PELP1: variants seen among roughly 807,000 people sequenced by gnomAD.
The protein encoded by PELP1 is proline-, glutamic acid- and leucine-rich protein 1.
In PELP1, 32 loss-of-function variants were observed where a neutral mutation model predicts 95.5. That is an observed-to-expected ratio of 0.34 (90% CI 0.25 to 0.45). The LOEUF is 0.45. Ranked by LOEUF, PELP1 falls within the 20% of genes least tolerant of loss-of-function variation. PELP1 has a pLI of 1.00. For missense variants in PELP1, 1,358 were observed against 1,444.8 expected (o/e 0.94, Z 0.97); for synonymous variants, 668 against 600.1 (o/e 1.11, Z -1.65).
At position 4,673,888 on chromosome 17, in the gene PELP1, ATAAATT is replaced by A. The variant is rs1392827879; in HGVS notation, c.1583-220_1583-215del. ...ATTGAGACAATGTAAGTAAAAAATT[ATAAATT>A]TTATAATTTTGCATTTATATATTTG... On this transcript the variant is annotated intron_variant, in intron 13 of 16. Transcript: ENST00000572293. This position sits in a 1 kb window ranked among gnomAD's most constrained non-coding sequence, Gnocchi z 5.7. The A allele has an allele frequency of 1.8e-6, 1 of 554,366 alleles. No homozygotes were observed. Among genetic ancestry groups the A allele is most frequent in the African/African-American group, 1.9e-5 (1 of 53,342 alleles). The allele number at this position is 554,366 out of a possible 1,614,324, so 34.3% of individuals were successfully genotyped here.
chr17:4,671,111 A>T lies in PELP1; in HGVS notation c.*328T>A, dbSNP rs1045736491. ...CACATTTCCCACCCCGAATACAAAC[A>T]CGAAAGCAGGGCTGTGTCTCTATAA... On this transcript the variant is annotated 3_prime_UTR_variant, in exon 17 of 17. Transcript: ENST00000572293. 5.8e-6 allele frequency: 2 copies of T among 343,606 alleles called. No homozygotes were observed. The highest frequency in any genetic ancestry group is 4.2e-5 in the African/African-American group (2 of 47,306). The allele number at this position is 343,606 out of a possible 1,614,324, so 21.3% of individuals were successfully genotyped here.
In PELP1 at chr17:4,672,291, T is replaced by C. The variant is rs756389344; in HGVS notation, c.2700A>G (p.Glu900=). The change falls in exon 16 of 17, where the codon GAA becomes GAG. Residue 900 remains glutamate, a synonymous_variant. Coordinates refer to ENST00000572293, the MANE Select transcript of PELP1 (RefSeq NM_014389.3). ...EEEEEEEEEE[E]EEEEEEEEDF... is the part of the protein sequence containing the mutation. The stretch of plus-strand genomic sequence containing the variant: ...CTTCCTCCTCTTCCTCTTCTTCCTC[T>C]TCTTCTTCTTCCTCTTCTTCCTCTT... 30 of 1,542,446 alleles carry C rather than the reference T, an allele frequency of 1.9e-5. No individual in the cohort carries two copies. The East Asian group carries it at 2.2e-4, about 11-fold the overall frequency.
intron 3 of PELP1, among the ~76,000 whole-genome samples, chr17:4,688,270 G>A (rs558674725): frequency 4.7e-4 from 72 of 152,200 alleles, no homozygotes; most frequent in Middle Eastern, 3.4e-3. Flanking sequence ...AGGAGGCGGA[G>A]GGTGCAGTGA....
At position 4,675,025 on chromosome 17, in the gene PELP1, A is replaced by AC; in HGVS notation, c.1274+53dup. On this transcript the variant is annotated intron_variant, in intron 11 of 16. Coordinates refer to ENST00000572293, the MANE Select transcript of PELP1 (RefSeq NM_014389.3). The surrounding 1 kb of genome is among the most constrained non-coding windows in gnomAD (Gnocchi z 4.3). ...ATGCCAGAAGCCCCAGCCCACCTGCACCCCCTCACCCCCCTCTCCTCTTTA... is the reference window on the plus strand; with the variant it reads ...ATGCCAGAAGCCCCAGCCCACCTGCACCCCCCTCACCCCCCTCTCCTCTTTA... The AC allele has an allele frequency of 1.9e-6, 3 of 1,605,408 alleles. No individual in the cohort carries two copies. The South Asian group carries it at 3.3e-5, about 18-fold the overall frequency.
At position 4,670,151 on chromosome 17, in the gene PELP1, A is replaced by G. The variant is rs571076664; in HGVS notation, c.*1288T>C. 1.3e-5 allele frequency: 2 copies of G among 152,200 alleles called. No homozygotes were observed. The highest frequency in any genetic ancestry group is 2.9e-5 in the Non-Finnish European group (2 of 68,024). 9.4% of individuals were successfully genotyped at this position (152,200 alleles called of 1,614,324 possible). The stretch of plus-strand genomic sequence containing the variant: ...TTCTGTTTATTTCGAAAACAAGTTG[A>G]GGGGTAACTTTTTAAAATCCTACTG... On this transcript the variant is annotated 3_prime_UTR_variant, in exon 17 of 17. Coordinates refer to ENST00000572293, the MANE Select transcript of PELP1 (RefSeq NM_014389.3).
Position 4,670,926 on chromosome 17 carries a change from GAATTC to G in PELP1, c.*508_*512del, listed in dbSNP as rs780718663. 1.3e-5 allele frequency: 2 copies of G among 154,698 alleles called. No individual in the cohort carries two copies. The highest frequency in any genetic ancestry group is 1.4e-5 in the Non-Finnish European group (1 of 69,986). The allele number at this position is 154,698 out of a possible 1,614,324, so 9.6% of individuals were successfully genotyped here. Reference sequence around the variant, plus strand: ...CTTGGGGTAAGGTCCAAATTTCCCAGAATTCAATGACTAAACTGCTCCACACCTTT... The same window carrying G: ...CTTGGGGTAAGGTCCAAATTTCCCAGAATGACTAAACTGCTCCACACCTTT... On this transcript the variant is annotated 3_prime_UTR_variant, in exon 17 of 17. Transcript: ENST00000572293.
chr17:4,692,580 G>C (rs1367301783), intron 1 of PELP1, among the ~76,000 whole-genome samples: 1 of 152,134 alleles, frequency 6.6e-6, no homozygotes, highest in East Asian at 1.9e-4. Flanking sequence ...AACTGACAAA[G>C]TAAATACATA....
In PELP1 at chr17:4,673,190, G is replaced by A. The variant is rs1360988309; in HGVS notation, c.1846-45C>T. ...CAAGTGTGAGCACCAGAAATACTGGGAGTCTCTTGGAAACAAGAGACTCCA... is the reference window on the plus strand; with the variant it reads ...CAAGTGTGAGCACCAGAAATACTGGAAGTCTCTTGGAAACAAGAGACTCCA... On this transcript the variant is annotated intron_variant, in intron 15 of 16. Coordinates refer to ENST00000572293, the MANE Select transcript of PELP1 (RefSeq NM_014389.3). The surrounding 1 kb of genome is among the most constrained non-coding windows in gnomAD (Gnocchi z 5.7). 2 of 1,520,946 alleles carry A rather than the reference G, an allele frequency of 1.3e-6. No homozygotes were observed. Among genetic ancestry groups the A allele is most frequent in the Non-Finnish European group, 1.8e-6 (2 of 1,131,484 alleles). 94.2% of individuals were successfully genotyped at this position (1,520,946 alleles called of 1,614,324 possible). A position where few individuals can be genotyped will look rare whatever the true frequency, so the allele number is the denominator to read the frequency against.
chr17:4,691,038 C>T lies in PELP1; in HGVS notation c.315-45G>A, dbSNP rs539350491. 3.1e-4 allele frequency: 422 copies of T among 1,369,554 alleles called. 5 individuals carry two copies. In the East Asian group the frequency reaches 9.6e-3, roughly 31 times the overall value. 84.8% of individuals were successfully genotyped at this position (1,369,554 alleles called of 1,614,324 possible). A position where few individuals can be genotyped will look rare whatever the true frequency, so the allele number is the denominator to read the frequency against. On this transcript the variant is annotated intron_variant, in intron 2 of 16. Transcript: ENST00000572293. Reference sequence around the variant, plus strand: ...TCATGTTAAGTGGGCGGAGGCTAGACTTCAGAGAAAGTGACTGCTCTTTTA... The same window carrying T: ...TCATGTTAAGTGGGCGGAGGCTAGATTTCAGAGAAAGTGACTGCTCTTTTA...
chr17:4,697,339 C>T (rs1913336755), intron 1 of PELP1, among the ~76,000 whole-genome samples: 1 of 152,098 alleles, frequency 6.6e-6, no homozygotes, highest in Admixed American at 6.6e-5. Context: ...ATAGCGAGAC[C>T]TTGTTTCTAC....
Position 4,671,520 on chromosome 17 carries a change from G to A in PELP1, c.3312C>T (p.Asp1104=). Residue 1104 remains aspartate, a synonymous_variant, in exon 17 of 17, where the codon GAC becomes GAT. Coordinates refer to ENST00000572293, the MANE Select transcript of PELP1 (RefSeq NM_014389.3). ...AEALQEKEQD[D]TAAMLADFID... ...TGAAGTCGGCCAGCATGGCAGCTGTGTCATCCTGCTCCTTTTAGGCACAAA... is the reference window on the plus strand; with the variant it reads ...TGAAGTCGGCCAGCATGGCAGCTGTATCATCCTGCTCCTTTTAGGCACAAA... 1 of 1,613,838 alleles carries A rather than the reference G, an allele frequency of 6.2e-7. No individual in the cohort carries two copies. The highest frequency in any genetic ancestry group is 2.2e-5 in the East Asian group (1 of 44,886).
chr17:4,699,790 T>C (rs570191340), intron 1 of PELP1, among the ~76,000 whole-genome samples: 12 of 152,104 alleles, frequency 7.9e-5, no homozygotes, highest in African/African-American at 2.9e-4. Context: ...TTTCGCCATG[T>C]TGGTCAGGCT....
chr17:4,674,441 G>A (rs1212685725), intron 13 of PELP1, 69 bp downstream of exon 13: 2 of 1,405,612 alleles, frequency 1.4e-6, no homozygotes, highest in Non-Finnish European at 9.9e-7. Flanking sequence ...GTAGGTAGGG[G>A]AGTCCCACTA....
chr17:4,671,809 G>A lies in PELP1; in HGVS notation c.3182C>T (p.Pro1061Leu), dbSNP rs558857019. Reference protein sequence around the residue: ...QELVEEEPSAPPTLLEEETED... With the variant: ...QELVEEEPSALPTLLEEETED... ...AGTCTCCTCTTCCAACAGGGTTGGG[G>A]GAGCAGAGGGCTCTTCTTCAACAAG... Residue 1061 changes from proline to leucine, a missense_variant, in exon 16 of 17, where the codon CCC (proline) becomes CTC (leucine). Around this residue, in one of 7 missense-constraint regions of PELP1, gnomAD observed 283 missense variants for 284.1 expected, o/e 1.00. Coordinates refer to ENST00000572293, the MANE Select transcript of PELP1 (RefSeq NM_014389.3). The A allele has an allele frequency of 3.4e-5, 51 of 1,514,632 alleles. No individual in the cohort carries two copies. The South Asian group carries it at 6.5e-4, about 19-fold the overall frequency. The allele number at this position is 1,514,632 out of a possible 1,614,324, so 93.8% of individuals were successfully genotyped here.
rs1482358008 is a variant in PELP1 at position 4,673,377 on chromosome 17, GAGCTCGTGTACGGGGAGCTGCCT to G, written c.1695_1717del (p.Gly566ProfsTer5). ...GCAGTAGAGTTCACGGCGGCAGCGG[GAGCTCGTGTACGGGGAGCTGCCT>G]AGGACCTCACCCTGCTGTACACCCA... On this transcript the variant is annotated frameshift_variant, in exon 15 of 17. Coordinates refer to ENST00000572293, the MANE Select transcript of PELP1 (RefSeq NM_014389.3). LOFTEE classifies it high-confidence loss of function. This position sits in a 1 kb window ranked among gnomAD's most constrained non-coding sequence, Gnocchi z 5.7. 1.9e-6 allele frequency: 3 copies of G among 1,597,612 alleles called. No homozygotes were observed. The highest frequency in any genetic ancestry group is 1.7e-6 in the Non-Finnish European group (2 of 1,172,630).
At chr17:4,699,496 G>A (rs1233914905) in intron 1 of PELP1, among the ~76,000 whole-genome samples, 1 of 152,176 alleles carries the variant, frequency 6.6e-6, no homozygotes, top group African/African-American at 2.4e-5. Flanking sequence ...AAAAGAAGAA[G>A]AAGGAGAGAC....
chr17:4,671,713 T>C lies in PELP1; in HGVS notation c.3278A>G (p.Glu1093Gly). The change falls in exon 16 of 17, where the codon GAG (glutamate) becomes GGG (glycine). Residue 1093 changes from glutamate (E) to glycine (G), a missense_variant. Coordinates refer to ENST00000572293, the MANE Select transcript of PELP1 (RefSeq NM_014389.3). Reference sequence around the variant, plus strand: ...CACCTTTTCCTGGAGAGCTTCGGCCTCTGTCTCTGTCTCCATCTCTTCTTC... The same window carrying C: ...CACCTTTTCCTGGAGAGCTTCGGCCCCTGTCTCTGTCTCCATCTCTTCTTC... Reference protein sequence around the residue: ...PAEEEMETETEAEALQEKEQD... With the variant: ...PAEEEMETETGAEALQEKEQD... The C allele has an allele frequency of 1.3e-6, 2 of 1,550,318 alleles. No individual in the cohort carries two copies. Among genetic ancestry groups the C allele is most frequent in the Non-Finnish European group, 1.7e-6 (2 of 1,153,822 alleles).
chr17:4,683,490 A>G (rs1270163844), intron 3 of PELP1, among the ~76,000 whole-genome samples: 4 of 144,950 alleles, frequency 2.8e-5, no homozygotes, highest in Non-Finnish European at 4.5e-5. Flanking sequence ...AAGTGCTGGG[A>G]TTACAGGTGT....
chr17:4,676,012 G>C (rs200551140), intron 8 of PELP1, 24 bp downstream of exon 8: 5 of 1,612,458 alleles, frequency 3.1e-6, no homozygotes, highest in Non-Finnish European at 4.2e-6. Context: ...CCACGCCTCC[G>C]CTCCCTCCAA....
Sources: allele counts gnomAD v4.1 joint callset (sites outside exome capture counted in the v4.1 genomes callset), GRCh38; gene constraint gnomAD v4.1.1; regional missense constraint gnomAD v4.1.1; non-coding constraint Gnocchi (gnomAD v3.1); transcripts MANE v1.5; gene names NCBI Gene and HGNC (gene_info 2026-07-23, HGNC 2026-07-21).